Variants in ZFYVE28 observed in about 807,000 individuals in gnomAD.
ZFYVE28 encodes lateral signaling target protein 2 homolog.
A neutral mutation model predicts 82.1 loss-of-function variants in ZFYVE28; 40 were observed. That is an observed-to-expected ratio of 0.49 (90% CI 0.38 to 0.63). The LOEUF (loss-of-function observed/expected upper bound fraction) is 0.63. ZFYVE28 is among the 30% of genes least tolerant of loss of function. The probability of loss-of-function intolerance (pLI) is 0.00; values close to 1 mark genes in which losing one functional copy is unlikely to be tolerated. For synonymous variants in ZFYVE28, 612 were observed against 546.1 expected, an observed-to-expected ratio of 1.12 and a Z score of -1.68; for missense variants, 1,321 against 1,242.1, an observed-to-expected ratio of 1.06 and a Z score of -0.96.
intron 8 of ZFYVE28, among the ~76,000 whole-genome samples, chr4:2,301,969 C>T (rs1362774400): frequency 6.6e-6 from 1 of 152,228 alleles, no homozygotes; most frequent in Non-Finnish European, 1.5e-5. Flanking sequence ...CAAGCCCAAG[C>T]CAGCACTTGG....
rs1481298329 is a variant in ZFYVE28 at position 2,408,799 on chromosome 4, A to AAGCCACGCCCAGGTG, written c.39+9471_39+9485dup. On this transcript the variant is annotated intron_variant, in intron 1 of 12. Coordinates refer to ENST00000290974, the MANE Select transcript of ZFYVE28 (RefSeq NM_020972.3). The surrounding 1 kb of genome is among the most constrained non-coding windows in gnomAD (Gnocchi z 4.3). Reference sequence around the variant, plus strand: ...TGCCCATATAAGCCCCACCTAGATGAAGCCACGCCCAGGTGAGCCCCGCCC... The same window carrying AAGCCACGCCCAGGTG: ...TGCCCATATAAGCCCCACCTAGATGAAGCCACGCCCAGGTGAGCCACGCCCAGGTGAGCCCCGCCC... Among the ~76,000 whole-genome samples, 1 of 152,056 alleles carries AAGCCACGCCCAGGTG rather than the reference A, an allele frequency of 6.6e-6. No individual in the cohort carries two copies. The highest frequency in any genetic ancestry group is 1.9e-4 in the East Asian group (1 of 5,186).
chr4:2,272,820 G>A (rs373020756), intron 10 of ZFYVE28, among the ~76,000 whole-genome samples: 28 of 152,368 alleles, frequency 1.8e-4, no homozygotes, highest in East Asian at 7.7e-4. Flanking sequence ...TCCATCAGAC[G>A]CAGAGGTGCA....
rs559859470 is a variant in ZFYVE28, at chr4:2,405,926, G to A, written c.39+12359C>T. ...TAGCTGGGCATGGTGGCAGGCGCCT[G>A]TAATCCCAGCTACTCGGGAGGCTGA... On this transcript the variant is annotated intron_variant, in intron 1 of 12. Transcript: ENST00000290974. Among the ~76,000 whole-genome samples the A allele has an allele frequency of 1.4e-4, 21 of 152,068 alleles. No individual in the cohort carries two copies. In the South Asian group the frequency reaches 2.7e-3, roughly 20 times the overall value.
At chr4:2,364,574 C>A in intron 1 of ZFYVE28, 1 of 985,606 alleles carries the variant, frequency 1.0e-6, no homozygotes, top group Non-Finnish European at 1.2e-6. Flanking sequence ...ACGGTCGGCA[C>A]TGGGCACAGA....
At position 2,289,463 on chromosome 4, in the gene ZFYVE28, A is replaced by C. The variant is rs150927098; in HGVS notation, c.2051+14826T>G. Among the ~76,000 whole-genome samples the C allele has an allele frequency of 2.6e-3, 389 of 152,286 alleles. 1 individual carries two copies. Among genetic ancestry groups the C allele is most frequent in the Non-Finnish European group, 4.0e-3 (274 of 68,012 alleles). ...CAAAGTGAGGGGGGTGGTATGTGAC[A>C]AAGGCTGAGGCCACTGGGCCAGACC... On this transcript the variant is annotated intron_variant, in intron 8 of 12. Coordinates refer to ENST00000290974, the MANE Select transcript of ZFYVE28 (RefSeq NM_020972.3).
Position 2,320,107 on chromosome 4 carries a change from A to C in ZFYVE28, c.803+63T>G. 1.3e-6 allele frequency: 2 copies of C among 1,520,190 alleles called. No individual in the cohort carries two copies. The highest frequency in any genetic ancestry group is 9.1e-7 in the Non-Finnish European group (1 of 1,100,254). The allele number at this position is 1,520,190 out of a possible 1,614,324, so 94.2% of individuals were successfully genotyped here. On this transcript the variant is annotated intron_variant, in intron 7 of 12. Coordinates refer to ENST00000290974, the MANE Select transcript of ZFYVE28 (RefSeq NM_020972.3). This position sits in a 1 kb window ranked among gnomAD's most constrained non-coding sequence, Gnocchi z 5.1. ...GGAGGCGGCGGCTAAACATGACTTC[A>C]GCGCCCACCTGTGGCCCTCCTGTCC... is the stretch of plus-strand genomic sequence containing the variant.
In ZFYVE28 at chr4:2,320,074, G is replaced by C; in HGVS notation, c.803+96C>G. The C allele has an allele frequency of 8.8e-7, 1 of 1,138,546 alleles. No individual in the cohort carries two copies. The highest frequency in any genetic ancestry group is 1.3e-6 in the Non-Finnish European group (1 of 771,606). 70.5% of individuals were successfully genotyped at this position (1,138,546 alleles called of 1,614,324 possible). A position where few individuals can be genotyped will look rare whatever the true frequency, so the allele number is the denominator to read the frequency against. Reference sequence around the variant, plus strand: ...GCCCATCCTTCCTCACAGAGAGGAGGAGGACCTGGAGGCGGCGGCTAAACA... The same window carrying C: ...GCCCATCCTTCCTCACAGAGAGGAGCAGGACCTGGAGGCGGCGGCTAAACA... On this transcript the variant is annotated intron_variant, in intron 7 of 12. Coordinates refer to ENST00000290974, the MANE Select transcript of ZFYVE28 (RefSeq NM_020972.3). This position sits in a 1 kb window ranked among gnomAD's most constrained non-coding sequence, Gnocchi z 5.1.
chr4:2,338,144 C>G (rs1473349285), intron 4 of ZFYVE28, among the ~76,000 whole-genome samples: 1 of 152,256 alleles, frequency 6.6e-6, no homozygotes, highest in Non-Finnish European at 1.5e-5. Context: ...CAACCCGCAG[C>G]CCCACATGAA....
At chr4:2,374,625 A>G (rs1279750855) in intron 1 of ZFYVE28, among the ~76,000 whole-genome samples, 3 of 148,802 alleles carry the variant, frequency 2.0e-5, no homozygotes, top group Non-Finnish European at 4.6e-5. Flanking sequence ...AAAGAAGAAA[A>G]GAAGAAGAAG....
Position 2,305,465 on chromosome 4 carries a change from A to G in ZFYVE28, c.875T>C (p.Val292Ala). ...CACGTCTGCGCGGATGGGGAACTCC[A>G]CGTCTTGGGAAATGCAGAGGTTCCG... is the stretch of plus-strand genomic sequence containing the variant. ...LERNLCISQDVEFPIRADVQG... is the reference protein window; with the variant it reads ...LERNLCISQDAEFPIRADVQG... Residue 292 changes from valine (V) to alanine (A), a missense_variant, in exon 8 of 13, where the codon GTG becomes GCG. Around this residue, in one of 2 missense-constraint regions of ZFYVE28, gnomAD observed 978 missense variants for 833.7 expected, o/e 1.17. Coordinates refer to ENST00000290974, the MANE Select transcript of ZFYVE28 (RefSeq NM_020972.3). 1 of 1,612,944 alleles carries G rather than the reference A, an allele frequency of 6.2e-7. No homozygotes were observed. Among genetic ancestry groups the G allele is most frequent in the Non-Finnish European group, 8.5e-7 (1 of 1,180,024 alleles).
chr4:2,365,616 C>T (rs1005910143), intron 1 of ZFYVE28, among the ~76,000 whole-genome samples: 5 of 152,120 alleles, frequency 3.3e-5, no homozygotes, highest in East Asian at 1.9e-4. Context: ...CAAAGGCTCC[C>T]GCTCCGGCCT....
In ZFYVE28 at chr4:2,270,613, C is replaced by A; in HGVS notation, c.*112G>T. On this transcript the variant is annotated 3_prime_UTR_variant, in exon 13 of 13. Coordinates refer to ENST00000290974, the MANE Select transcript of ZFYVE28 (RefSeq NM_020972.3). The stretch of plus-strand genomic sequence containing the variant: ...TGGATGCTCTGGAGGTCTGGGTGCC[C>A]CTGCAGCAGCGGCAGCGGCCTCATG... 1 of 1,471,642 alleles carries A rather than the reference C, an allele frequency of 6.8e-7. No individual in the cohort carries two copies. The highest frequency in any genetic ancestry group is 2.3e-5 in the East Asian group (1 of 42,966). 91.2% of individuals were successfully genotyped at this position (1,471,642 alleles called of 1,614,324 possible). A position where few individuals can be genotyped will look rare whatever the true frequency, so the allele number is the denominator to read the frequency against.
chr4:2,339,731 G>A lies in ZFYVE28; in HGVS notation c.319-76C>T, dbSNP rs966117397. ...CAGGGGTCGCCGACCCGGGGAACCT[G>A]ACTGCGCACCTCGGGGCCCCTCTTC... On this transcript the variant is annotated intron_variant, in intron 3 of 12. Coordinates refer to ENST00000290974, the MANE Select transcript of ZFYVE28 (RefSeq NM_020972.3). This position sits in a 1 kb window ranked among gnomAD's most constrained non-coding sequence, Gnocchi z 5.0. 24 of 1,422,420 alleles carry A rather than the reference G, an allele frequency of 1.7e-5. No individual in the cohort carries two copies. Among genetic ancestry groups the A allele is most frequent in the Non-Finnish European group, 2.3e-5 (24 of 1,063,000 alleles). 88.1% of individuals were successfully genotyped at this position (1,422,420 alleles called of 1,614,324 possible). A position where few individuals can be genotyped will look rare whatever the true frequency, so the allele number is the denominator to read the frequency against.
rs887608270 is a variant in ZFYVE28 at position 2,332,228 on chromosome 4, G to A, written c.701+3477C>T. ...CTCAGTGTTCCCTGGGGGTCACCTG[G>A]GGGGTCCCAGGATGCCCACTTCACA... On this transcript the variant is annotated intron_variant, in intron 6 of 12. Coordinates refer to ENST00000290974, the MANE Select transcript of ZFYVE28 (RefSeq NM_020972.3). This position sits in a 1 kb window ranked among gnomAD's most constrained non-coding sequence, Gnocchi z 4.7. 1.4e-4 allele frequency among the ~76,000 whole-genome samples: 22 copies of A among 152,254 alleles called. No individual in the cohort carries two copies. The highest frequency in any genetic ancestry group is 5.3e-4 in the African/African-American group (22 of 41,554).
rs34092714 is a variant in ZFYVE28 at position 2,368,211 on chromosome 4, C to CAAAAAAAAAAAAAAAAAAAAA, written c.40-14139_40-14138insTTTTTTTTTTTTTTTTTTTTT. 8.1e-5 allele frequency among the ~76,000 whole-genome samples: 7 copies of CAAAAAAAAAAAAAAAAAAAAA among 86,178 alleles called. 1 individual carries two copies. The highest frequency in any genetic ancestry group is 8.8e-5 in the Non-Finnish European group (4 of 45,376). The allele number at this position is 86,178 out of a possible 152,430, so 56.5% of individuals were successfully genotyped here. On this transcript the variant is annotated intron_variant, in intron 1 of 12. Coordinates refer to ENST00000290974, the MANE Select transcript of ZFYVE28 (RefSeq NM_020972.3). ...TGGGCAACAAAGCAACACATCTCTA[C>CAAAAAAAAAAAAAAAAAAAAA]AAAAAAAAAAAAAAAAAAACACTGT...
At position 2,401,543 on chromosome 4, in the gene ZFYVE28, A is replaced by T. The variant is rs1894430; in HGVS notation, c.39+16742T>A. Among the ~76,000 whole-genome samples, 16 of 151,574 alleles carry T rather than the reference A, an allele frequency of 1.1e-4. 1 individual carries two copies. In the East Asian group the frequency reaches 3.1e-3, roughly 30 times the overall value. On this transcript the variant is annotated intron_variant, in intron 1 of 12. Coordinates refer to ENST00000290974, the MANE Select transcript of ZFYVE28 (RefSeq NM_020972.3). ...CAGACGGTGCTACCTGCCCCACCCC[A>T]GGCCCTCCCCCTCCTCCTTCTGGCT...
At chr4:2,334,860 GCCTCCCCCC>G (rs1721402448) in intron 6 of ZFYVE28, among the ~76,000 whole-genome samples, 2 of 56,774 alleles carry the variant, frequency 3.5e-5, no homozygotes, top group East Asian at 4.2e-4. Context: ...CCCCACTTCC[GCCTCCCCCC>G]CAGCTGCAAG....
At chr4:2,355,219 T>C (rs1235835912) in intron 1 of ZFYVE28, among the ~76,000 whole-genome samples, 1 of 4,396 alleles carries the variant, frequency 2.3e-4, no homozygotes, top group Non-Finnish European at 4.3e-4. Flanking sequence ...TATATATATA[T>C]ATATATATAT....
In ZFYVE28 at chr4:2,270,860, G is replaced by A. The variant is rs776894607; in HGVS notation, c.2533-4C>T. ...AGGAGCAGCGCGAGCAGAAGATCTG[G>A]AATGGGGTTGGGGCAGTGAGGGTCT... is the stretch of plus-strand genomic sequence containing the variant. On this transcript the variant is annotated splice_region_variant and splice_polypyrimidine_tract_variant and intron_variant, in intron 12 of 12. Coordinates refer to ENST00000290974, the MANE Select transcript of ZFYVE28 (RefSeq NM_020972.3). The A allele has an allele frequency of 1.2e-5, 20 of 1,612,434 alleles. No individual in the cohort carries two copies. Among genetic ancestry groups the A allele is most frequent in the Non-Finnish European group, 1.5e-5 (18 of 1,179,922 alleles).
Sources: allele counts gnomAD v4.1 joint callset (sites outside exome capture counted in the v4.1 genomes callset), GRCh38; gene constraint gnomAD v4.1.1; regional missense constraint gnomAD v4.1.1; non-coding constraint Gnocchi (gnomAD v3.1); transcripts MANE v1.5; gene names NCBI Gene and HGNC (gene_info 2026-07-23, HGNC 2026-07-21).